DPP6: variants seen among roughly 807,000 people sequenced by gnomAD.
DPP6 encodes A-type potassium channel modulatory protein DPP6.
A neutral mutation model predicts 122.6 loss-of-function variants in DPP6; 69 were observed. That is an observed-to-expected ratio of 0.56 (90% CI 0.46 to 0.69). DPP6 has a LOEUF of 0.69. DPP6 is among the 30% of genes least tolerant of loss of function. The pLI is 0.00. For missense variants in DPP6, 928 were observed against 1,116.9 expected (o/e 0.83, Z 2.41); for synonymous variants, 418 against 433.1 (o/e 0.97, Z 0.43).
chr7:153,928,396 A>ATTTTTTTTTCTTTTTTTT (rs1801012133), intron 1 of DPP6, among the ~76,000 whole-genome samples: 1 of 43,672 alleles, frequency 2.3e-5, no homozygotes, highest in African/African-American at 7.9e-5. Context: ...CTTTTCTTTC[A>ATTTTTTTTTCTTTTTTTT]TTTTTTTTTT....
chr7:154,489,336 G>A (rs971911950), intron 3 of DPP6, among the ~76,000 whole-genome samples: 3 of 152,132 alleles, frequency 2.0e-5, no homozygotes, highest in Non-Finnish European at 4.4e-5. Context: ...TTTTGTGCAG[G>A]GCTGACACCC....
At chr7:153,765,259 G>A in the DPP6 span, among the ~76,000 whole-genome samples, 2 of 152,128 alleles carry the variant, frequency 1.3e-5, no homozygotes, top group African/African-American at 4.8e-5. Context: ...TGCCCGGGCC[G>A]GGTGTGGTGT....
chr7:154,554,666 A>T (rs1829886810), intron 4 of DPP6, among the ~76,000 whole-genome samples: 1 of 152,202 alleles, frequency 6.6e-6, no homozygotes, highest in Non-Finnish European at 1.5e-5. Context: ...GCATAATGTT[A>T]TTTAAACTTG....
rs1823276438 is a variant in DPP6 at position 154,481,368 on chromosome 7, T to TGTGTG, written c.457+6332_457+6336dup. Among the ~76,000 whole-genome samples, 1 of 151,340 alleles carries TGTGTG rather than the reference T, an allele frequency of 6.6e-6. No individual in the cohort carries two copies. Among genetic ancestry groups the TGTGTG allele is most frequent in the Non-Finnish European group, 1.5e-5 (1 of 67,906 alleles). ...AGGGGTGTGTGTGTGTGTGTGTGTG[T>TGTGTG]GTGTGTCTGTGTGTGTGTGCATGTC... On this transcript the variant is annotated intron_variant, in intron 3 of 25. Coordinates refer to ENST00000377770, the MANE Select transcript of DPP6 (RefSeq NM_130797.4). The surrounding 1 kb of genome is among the most constrained non-coding windows in gnomAD (Gnocchi z 4.2).
At chr7:154,306,964 TCTC>T (rs1271416238) in intron 1 of DPP6, among the ~76,000 whole-genome samples, 2 of 152,160 alleles carry the variant, frequency 1.3e-5, no homozygotes, top group African/African-American at 4.8e-5. Flanking sequence ...TTATTACAGT[TCTC>T]CTCCCTCATT....
intron 1 of DPP6, among the ~76,000 whole-genome samples, chr7:154,290,420 A>AT (rs1013507349): frequency 6.6e-6 from 1 of 151,762 alleles, no homozygotes; most frequent in African/African-American, 2.4e-5. Context: ...TGCAGAGTCG[A>AT]TTTTTTCCCT....
At chr7:154,085,046 T>G (rs940411300) in intron 1 of DPP6, among the ~76,000 whole-genome samples, 1 of 152,090 alleles carries the variant, frequency 6.6e-6, no homozygotes, top group Non-Finnish European at 1.5e-5. Flanking sequence ...GTATCTCTTT[T>G]TCTTTTGTTT....
chr7:153,894,086 T>C (rs1016150657), intron 1 of DPP6, among the ~76,000 whole-genome samples: 3 of 152,152 alleles, frequency 2.0e-5, no homozygotes, highest in Non-Finnish European at 1.5e-5. Context: ...ACTCACACAT[T>C]GAGTTGCTTA....
intron 5 of DPP6, among the ~76,000 whole-genome samples, chr7:154,634,261 G>A (rs754845880): frequency 2.0e-5 from 3 of 147,714 alleles, no homozygotes; most frequent in Non-Finnish European, 4.4e-5. Flanking sequence ...AACATGCGGT[G>A]TTTGGTTTTT....
the DPP6 span, among the ~76,000 whole-genome samples, chr7:153,762,872 C>A: frequency 6.6e-6 from 1 of 152,280 alleles, no homozygotes; most frequent in East Asian, 1.9e-4. Flanking sequence ...TAGATACACA[C>A]CAAGGTTGAA....
intron 16 of DPP6, among the ~76,000 whole-genome samples, chr7:154,829,825 C>T (rs1351555615): frequency 6.6e-6 from 1 of 152,102 alleles, no homozygotes; most frequent in East Asian, 1.9e-4. Flanking sequence ...TCACCACCAC[C>T]AAACACCATC....
intron 1 of DPP6, among the ~76,000 whole-genome samples, chr7:154,427,203 C>T (rs932904222): frequency 6.6e-6 from 1 of 152,172 alleles, no homozygotes. Flanking sequence ...ATTTTTGTCT[C>T]TAATATCTTA....
chr7:154,723,501 T>C (rs2131351013), intron 7 of DPP6, among the ~76,000 whole-genome samples: 1 of 151,810 alleles, frequency 6.6e-6, no homozygotes, highest in Non-Finnish European at 1.5e-5. Context: ...TAGTAATACA[T>C]CTTACCCTTA....
intron 1 of DPP6, among the ~76,000 whole-genome samples, chr7:154,107,040 A>AG (rs1806213569): frequency 6.6e-6 from 1 of 152,168 alleles, no homozygotes; most frequent in South Asian, 2.1e-4. Flanking sequence ...TAAAAAAAAA[A>AG]TCCAAAATAG....
intron 1 of DPP6, among the ~76,000 whole-genome samples, chr7:154,200,361 C>T (rs1429673516): frequency 2.0e-5 from 3 of 152,162 alleles, no homozygotes; most frequent in Non-Finnish European, 4.4e-5. Context: ...TGATTCCCTT[C>T]TCGCTATTTT....
chr7:154,513,676 C>T (rs1349926698), intron 3 of DPP6, among the ~76,000 whole-genome samples: 7 of 152,292 alleles, frequency 4.6e-5, no homozygotes, highest in Non-Finnish European at 4.4e-5. Flanking sequence ...AAGCCCTGCA[C>T]TGATTCCACC....
intron 1 of DPP6, among the ~76,000 whole-genome samples, chr7:153,899,018 A>G (rs1799526553): frequency 6.6e-6 from 1 of 152,352 alleles, no homozygotes; most frequent in East Asian, 1.9e-4. Flanking sequence ...TTCGGCTTCC[A>G]TTAGTGTTTG....
chr7:153,804,563 T>C, the DPP6 span, among the ~76,000 whole-genome samples: 3 of 151,988 alleles, frequency 2.0e-5, no homozygotes, highest in Non-Finnish European at 4.4e-5. Context: ...ATGAGAAAAA[T>C]ATTAGGATGG....
chr7:154,154,451 G>A (rs1442455235), intron 1 of DPP6, among the ~76,000 whole-genome samples: 20 of 151,406 alleles, frequency 1.3e-4, no homozygotes, highest in Non-Finnish European at 2.4e-4. Context: ...CCTTTCCCAT[G>A]TCAGATCTTC....
Sources: gnomAD v4.1 joint callset for allele counts (sites outside exome capture counted in the v4.1 genomes callset) on GRCh38, gnomAD v4.1.1 for gene constraint, Gnocchi (gnomAD v3.1) non-coding constraint, MANE v1.5 for transcripts, NCBI Gene and HGNC (gene_info 2026-07-23, HGNC 2026-07-21) for gene names.